Variants in PCNX2 observed in about 807,000 individuals in gnomAD.
PCNX2 encodes the protein pecanex-like protein 2.
PCNX2 carries 168 observed loss-of-function variants against 223.8 expected under a neutral mutation model. The ratio of observed to expected loss-of-function variants is 0.75; its 90% CI spans 0.66 to 0.85. The LOEUF (loss-of-function observed/expected upper bound fraction) is 0.85, where lower values mean the gene tolerates loss of function less well. Among genes scored for constraint, PCNX2 ranks in the 40% least tolerant of loss-of-function variants. The pLI is 0.00. For synonymous variants in PCNX2, 1,006 were observed against 1,052.6 expected (o/e 0.96, Z 0.86); for missense variants, 2,507 against 2,675.5 (o/e 0.94, Z 1.39).
upstream of PCNX2, among the ~76,000 whole-genome samples, chr1:233,299,586 G>A (rs1343622984): frequency 1.3e-5 from 2 of 152,180 alleles, no homozygotes; most frequent in East Asian, 1.9e-4. Context: ...AGAGGTTGGC[G>A]GCAAGAGATA....
the PCNX2 span, among the ~76,000 whole-genome samples, chr1:233,319,718 T>C: frequency 1.3e-5 from 2 of 152,242 alleles, no homozygotes; most frequent in Non-Finnish European, 2.9e-5. Flanking sequence ...ATTTTTTTGA[T>C]CTCAGGATCT....
intron 15 of PCNX2, among the ~76,000 whole-genome samples, chr1:233,182,778 T>C (rs1343146140): frequency 6.6e-6 from 1 of 152,180 alleles, no homozygotes; most frequent in Non-Finnish European, 1.5e-5. Flanking sequence ...CTCCTACCCA[T>C]GCTTCAGTGC....
At chr1:233,325,502 C>CAAAAAAAAAAAAA in the PCNX2 span, among the ~76,000 whole-genome samples, 1 of 138,140 alleles carries the variant, frequency 7.2e-6, no homozygotes, top group Non-Finnish European at 1.5e-5. Context: ...ACTAAAAATA[C>CAAAAAAAAAAAAA]AAAAAAAAAA....
rs371052083 is a variant in PCNX2 at position 233,258,155 on chromosome 1, T to G, written c.1707A>C (p.Gln569His). 8.1e-6 allele frequency: 13 copies of G among 1,613,882 alleles called. No individual in the cohort carries two copies. Among genetic ancestry groups the G allele is most frequent in the Middle Eastern group, 1.6e-4 (1 of 6,084 alleles). Residue 569 changes from glutamine to histidine, a missense_variant, in exon 5 of 34, where the codon CAA becomes CAC. By Grantham distance (24) the Gln-to-His change is conservative. This residue lies in a region of PCNX2 where 1,031 missense variants were observed against 1,021.7 expected (regional missense o/e 1.01). Transcript: ENST00000258229. Reference protein sequence around the residue: ...SKSDLEAKEGQMPNESNFLEF... With the variant: ...SKSDLEAKEGHMPNESNFLEF... ...CCAGGAAGTTGGACTCATTTGGCAT[T>G]TGTCCTTCCTTAGCCTCTAGGTCAG...
At chr1:233,294,070 G>T in intron 1 of PCNX2, 1 of 851,298 alleles carries the variant, frequency 1.2e-6, no homozygotes, top group Non-Finnish European at 1.4e-6. Context: ...TTTCTGTGAA[G>T]TGGTGATTGT....
intron 23 of PCNX2, among the ~76,000 whole-genome samples, chr1:233,075,168 C>T (rs1291320307): frequency 6.6e-6 from 1 of 152,194 alleles, no homozygotes; most frequent in Non-Finnish European, 1.5e-5. Flanking sequence ...TAGCTCCAAA[C>T]TGGAAACAAC....
In PCNX2 at chr1:233,180,508, T is replaced by C. The variant is rs1679727854; in HGVS notation, c.3067-1333A>G. On this transcript the variant is annotated intron_variant, in intron 15 of 33. Coordinates refer to ENST00000258229, the MANE Select transcript of PCNX2 (RefSeq NM_014801.4). The stretch of plus-strand genomic sequence containing the variant: ...GAATTTAGTCAAGAACTTAAATACT[T>C]TTCTGTCAAGATTTTTTTTTAAGAT... Among the ~76,000 whole-genome samples the C allele has an allele frequency of 2.0e-5, 3 of 151,860 alleles. 1 individual carries two copies. Among genetic ancestry groups the C allele is most frequent in the African/African-American group, 7.3e-5 (3 of 41,170 alleles).
chr1:233,292,681 G>GTGCAGAGGAATA (rs1284608557), intron 1 of PCNX2, among the ~76,000 whole-genome samples: 1 of 152,198 alleles, frequency 6.6e-6, no homozygotes, highest in African/African-American at 2.4e-5. Flanking sequence ...CAACACTGAA[G>GTGCAGAGGAATA]TGCAGAGGAA....
At chr1:233,133,184 C>A (rs1239958399) in intron 21 of PCNX2, among the ~76,000 whole-genome samples, 2 of 152,116 alleles carry the variant, frequency 1.3e-5, no homozygotes, top group African/African-American at 4.8e-5. Flanking sequence ...CAGGCGTGAG[C>A]CACTGTGCCA....
chr1:233,210,593 C>G (rs574866572), intron 12 of PCNX2: 1 of 985,294 alleles, frequency 1.0e-6, no homozygotes, highest in Non-Finnish European at 1.2e-6. Context: ...CTTCTGTTTG[C>G]CTTGATTTCT....
At chr1:233,165,406 G>A (rs1678731487) in intron 17 of PCNX2, among the ~76,000 whole-genome samples, 1 of 152,084 alleles carries the variant, frequency 6.6e-6, no homozygotes, top group African/African-American at 2.4e-5. Flanking sequence ...AGAGACCAGG[G>A]ATGCAGCCAA....
intron 23 of PCNX2, among the ~76,000 whole-genome samples, chr1:233,067,184 G>C (rs1672645025): frequency 6.6e-6 from 1 of 151,350 alleles, no homozygotes; most frequent in Non-Finnish European, 1.5e-5. Context: ...GTCCAGAGTT[G>C]AATAGAAAAG....
intron 23 of PCNX2, among the ~76,000 whole-genome samples, chr1:233,080,401 AACACACACACACACACACACAC>A (rs10611197): frequency 7.1e-6 from 1 of 140,516 alleles, no homozygotes; most frequent in South Asian, 2.4e-4. Flanking sequence ...CACACACACA[AACACACACACACACACACACAC>A]ACACACATGC....
intron 25 of PCNX2, among the ~76,000 whole-genome samples, chr1:233,043,931 G>A (rs1294407970): frequency 1.3e-5 from 2 of 151,556 alleles, no homozygotes; most frequent in African/African-American, 4.9e-5. Context: ...CCAGTAATGG[G>A]ATGGCTGGGT....
chr1:233,291,809 A>G (rs1020567313), intron 1 of PCNX2: 11 of 984,820 alleles, frequency 1.1e-5, no homozygotes, highest in African/African-American at 1.8e-5. Flanking sequence ...AATATCTCTC[A>G]AGACTAACCA....
intron 21 of PCNX2, among the ~76,000 whole-genome samples, chr1:233,112,638 T>C (rs1675177744): frequency 1.3e-5 from 2 of 152,228 alleles, no homozygotes. Flanking sequence ...TGCTGCAAAC[T>C]TTTTAAAAAG....
intron 12 of PCNX2, among the ~76,000 whole-genome samples, chr1:233,214,424 A>G (rs1682001750): frequency 6.6e-6 from 1 of 152,160 alleles, no homozygotes; most frequent in Non-Finnish European, 1.5e-5. Flanking sequence ...AATATTTCTC[A>G]AAGTGTGATC....
intron 23 of PCNX2, among the ~76,000 whole-genome samples, chr1:233,082,293 T>G (rs1442206991): frequency 6.6e-6 from 1 of 152,204 alleles, no homozygotes; most frequent in Non-Finnish European, 1.5e-5. Flanking sequence ...TTACTGCTAC[T>G]ACTGCTGCTC....
rs920187826 is a variant in PCNX2 at position 233,083,023 on chromosome 1, C to T, written c.4076+7038G>A. On this transcript the variant is annotated intron_variant, in intron 23 of 33. Coordinates refer to ENST00000258229, the MANE Select transcript of PCNX2 (RefSeq NM_014801.4). ...TCCTCTTTTCAGTAAACCACACTCACGCATAAGATCAGGATGAAGAAGGGT... is the reference window on the plus strand; with the variant it reads ...TCCTCTTTTCAGTAAACCACACTCATGCATAAGATCAGGATGAAGAAGGGT... Among the ~76,000 whole-genome samples the T allele has an allele frequency of 7.9e-5, 12 of 152,122 alleles. 1 individual carries two copies. In the South Asian group the frequency reaches 8.3e-4, roughly 11 times the overall value.
Sources: allele counts gnomAD v4.1 joint callset (sites outside exome capture counted in the v4.1 genomes callset), GRCh38; gene constraint gnomAD v4.1.1; regional missense constraint gnomAD v4.1.1; transcripts MANE v1.5; gene names NCBI Gene and HGNC (gene_info 2026-07-23, HGNC 2026-07-21).